The following PPOX variants were observed in gnomAD, a reference collection of about 807,000 sequenced individuals.
The protein encoded by PPOX is protoporphyrinogen oxidase, also known as variegate porphyria.
A neutral mutation model predicts 54.1 loss-of-function variants in PPOX; 23 were observed. The observed-to-expected ratio is 0.43, with a 90% confidence interval of 0.31 to 0.60. The LOEUF is 0.60. Ranked by LOEUF, PPOX falls within the 20% of genes least tolerant of loss-of-function variation. The probability of loss-of-function intolerance (pLI) is 0.13; values close to 1 mark genes in which losing one functional copy is unlikely to be tolerated. For synonymous variants in PPOX, 224 were observed against 236.1 expected (o/e 0.95, Z 0.47); for missense variants, 512 against 601.1 (o/e 0.85, Z 1.55).
rs774936088 is a variant in PPOX, at chr1:161,176,877, G to A, written c.401G>A (p.Ser134Asn). 259 of 1,536,256 alleles carry A rather than the reference G, an allele frequency of 1.7e-4. 3 individuals are homozygous for A. In the Middle Eastern group the frequency reaches 3.5e-3, roughly 21 times the overall value. Residue 134 changes from serine to asparagine, a missense_variant, in exon 5 of 5, where the codon AGT (serine) becomes AAT (asparagine). Physicochemically the swap from Ser to Asn is conservative, Grantham distance 46. Transcript: ENST00000497522. ...AAGAACCAGTTGAAGTGGCGACAGA[G>A]TCATGACAGGACCGTGGAGTGGCCT...
intron 9 of PPOX, 89 bp from the exon 10 acceptor site, chr1:161,170,320 G>GGGGGGGGGGGGCCCC: frequency 2.0e-6 from 1 of 494,788 alleles, no homozygotes; most frequent in Non-Finnish European, 4.0e-6. Context: ...GTGAGACTCT[G>GGGGGGGGGGGGCCCC]TCCCCCCCAC....
chr1:161,171,305 G>A, downstream of PPOX: 1 of 1,465,144 alleles, frequency 6.8e-7, no homozygotes, highest in Non-Finnish European at 9.4e-7. Flanking sequence ...GAAAGCAGGA[G>A]CAGATGCGAG....
Position 161,169,144 on chromosome 1 carries a change from G to C in PPOX, c.768G>C (p.Pro256=), listed in dbSNP as rs745422821. The C allele has an allele frequency of 5.6e-6, 9 of 1,614,136 alleles. No homozygotes were observed. Among genetic ancestry groups the C allele is most frequent in the South Asian group, 1.1e-5 (1 of 91,088 alleles). ...GGGTCAGTGTTCTCAGAGGCCAGCCGGTCTGTGGGCTCAGCCTCCAGGCAG... is the reference window on the plus strand; with the variant it reads ...GGGTCAGTGTTCTCAGAGGCCAGCCCGTCTGTGGGCTCAGCCTCCAGGCAG... ...SRGVSVLRGQ[P]VCGLSLQAEG... The change falls in exon 7 of 13, where the codon CCG becomes CCC. Residue 256 remains proline (P), a synonymous_variant. Coordinates refer to ENST00000367999, the MANE Select transcript of PPOX (RefSeq NM_001122764.3).
downstream of PPOX, chr1:161,177,154 G>A: frequency 7.3e-7 from 1 of 1,361,148 alleles, no homozygotes; most frequent in Non-Finnish European, 1.0e-6. Flanking sequence ...AGTCAGGGGT[G>A]GCTGGAAGGG....
chr1:161,176,738 C>T, intron 4 of PPOX: 1 of 847,882 alleles, frequency 1.2e-6, no homozygotes, highest in Non-Finnish European at 1.8e-6. Context: ...CCGTGCTACC[C>T]TGGAATGATA....
chr1:161,175,507 C>T (rs1258595367), downstream of PPOX, among the ~76,000 whole-genome samples: 1 of 152,102 alleles, frequency 6.6e-6, no homozygotes, highest in Non-Finnish European at 1.5e-5. Flanking sequence ...GCTGGAGAGA[C>T]TTGCAACTAA....
chr1:161,168,702 G>C (rs984588391), intron 6 of PPOX, 126 bp downstream of exon 6: 1 of 1,312,610 alleles, frequency 7.6e-7, no homozygotes, highest in South Asian at 1.3e-5. Context: ...CTGCTGCCTA[G>C]GCTGGAGTGC....
At chr1:161,167,038 C>T (rs1659212461) in intron 2 of PPOX, 62 bp from the exon 3 acceptor site, 4 of 1,613,682 alleles carry the variant, frequency 2.5e-6, no homozygotes. Context: ...CTTCCCCTCC[C>T]CTCCTGACCT....
At position 161,168,016 on chromosome 1, in the gene PPOX, C is replaced by T. The variant is rs148730591; in HGVS notation, c.360C>T (p.Pro120=). 528 of 1,614,174 alleles carry T rather than the reference C, an allele frequency of 3.3e-4. 3 individuals carry two copies. In the South Asian group the frequency reaches 3.8e-3, roughly 11 times the overall value. The change falls in exon 5 of 13, where the codon CCC becomes CCT. Residue 120 remains proline, a synonymous_variant. Coordinates refer to ENST00000367999, the MANE Select transcript of PPOX (RefSeq NM_001122764.3). ...TGLRGLLRPS[P]PFSKPLFWAG... The stretch of plus-strand genomic sequence containing the variant: ...GCAGGGGGCTACTCCGCCCTTCACC[C>T]CCCTTCTCCAAACCTCTGTTTTGGG...
Position 161,170,428 on chromosome 1 carries a change from C to T in PPOX, c.1007C>T (p.Pro336Leu). 6.2e-7 allele frequency: 1 copy of T among 1,600,374 alleles called. No individual in the cohort carries two copies. Residue 336 changes from proline to leucine, a missense_variant, in exon 10 of 13, where the codon CCA becomes CTA. Physicochemically the swap from Pro to Leu is moderately conservative, Grantham distance 98. Coordinates refer to ENST00000367999, the MANE Select transcript of PPOX (RefSeq NM_001122764.3). ...CTCCAGGGATTTGGACATTTGGTGCCATCTTCAGAAGATCCAGGAGTCCTG... is the reference window on the plus strand; with the variant it reads ...CTCCAGGGATTTGGACATTTGGTGCTATCTTCAGAAGATCCAGGAGTCCTG... ...LPVQGFGHLV[P>L]SSEDPGVLGI...
In PPOX at chr1:161,171,125, G is replaced by T; in HGVS notation, c.1383G>T (p.Glu461Asp). The T allele has an allele frequency of 6.2e-7, 1 of 1,613,868 alleles. No homozygotes were observed. The highest frequency in any genetic ancestry group is 1.1e-5 in the South Asian group (1 of 91,060). ...GAGTTGCTGTTAATGACTGTATAGA[G>T]AGTGGGCGCCAGGCAGCAGTCAGTG... is the stretch of plus-strand genomic sequence containing the variant. ...YEGVAVNDCI[E>D]SGRQAAVSVL... is the part of the protein sequence containing the mutation. Residue 461 changes from glutamate (E) to aspartate (D), a missense_variant, in exon 13 of 13, where the codon GAG becomes GAT. Glu to Asp is a conservative substitution (Grantham distance 45). Transcript: ENST00000367999.
chr1:161,168,398 T>C (rs772364450), intron 5 of PPOX, 34 bp from the exon 6 acceptor site: 11 of 1,613,622 alleles, frequency 6.8e-6, no homozygotes, highest in Non-Finnish European at 9.3e-6. Context: ...TGTAGATTAT[T>C]TTTTCGCTCC....
Position 161,169,038 on chromosome 1 carries a change from C to A in PPOX, c.662C>A (p.Ala221Asp). ...PDSALIRQAL[A>D]ERWSQWSLRG... ...TCAGCACTCATTCGCCAGGCCTTGGCTGAGCGCTGGAGCCAGTGGTCACTT... is the reference window on the plus strand; with the variant it reads ...TCAGCACTCATTCGCCAGGCCTTGGATGAGCGCTGGAGCCAGTGGTCACTT... Residue 221 changes from alanine to aspartate, a missense_variant, in exon 7 of 13, where the codon GCT becomes GAT. Physicochemically the swap from Ala to Asp is moderately radical, Grantham distance 126. Coordinates refer to ENST00000367999, the MANE Select transcript of PPOX (RefSeq NM_001122764.3). The A allele has an allele frequency of 6.2e-7, 1 of 1,614,232 alleles. No homozygotes were observed. The highest frequency in any genetic ancestry group is 8.5e-7 in the Non-Finnish European group (1 of 1,180,042).
downstream of PPOX, chr1:161,171,729 C>T: frequency 1.3e-6 from 2 of 1,524,766 alleles, no homozygotes; most frequent in Non-Finnish European, 1.8e-6. Flanking sequence ...TCCCTCACAT[C>T]CCTCTGAGAA....
At chr1:161,177,437 C>T (rs542119695), downstream of PPOX, 20 of 182,216 alleles carry the variant, frequency 1.1e-4, no homozygotes, top group Admixed American at 8.8e-4. Flanking sequence ...TCTTTTGCTG[C>T]CTGTCGTCAC....
downstream of PPOX, chr1:161,175,861 C>T (rs770859442): frequency 5.0e-6 from 8 of 1,614,020 alleles, no homozygotes; most frequent in Admixed American, 1.3e-4. Flanking sequence ...AGCTGGAGGA[C>T]CCCCTGGGGC....
At chr1:161,171,754 G>A, downstream of PPOX, 5 of 1,578,338 alleles carry the variant, frequency 3.2e-6, no homozygotes, top group Non-Finnish European at 4.3e-6. Context: ...GAGGAGCTGA[G>A]GGTGGGGAGA....
At chr1:161,172,221 T>C, downstream of PPOX, 1 of 1,613,764 alleles carries the variant, frequency 6.2e-7, no homozygotes, top group South Asian at 1.1e-5. Flanking sequence ...CCTTCCTTCT[T>C]CCTACCTGTG....
At chr1:161,177,968 C>A (rs1056786865), downstream of PPOX, 1 of 152,150 alleles carries the variant, frequency 6.6e-6, no homozygotes, top group Admixed American at 6.5e-5. Context: ...ATCCCGCAGG[C>A]CTGGAAATAA....
Sources: allele counts gnomAD v4.1 joint callset (sites outside exome capture counted in the v4.1 genomes callset), GRCh38; gene constraint gnomAD v4.1.1; transcripts MANE v1.5; gene names NCBI Gene and HGNC (gene_info 2026-07-23, HGNC 2026-07-21).